The following ZBED6 variants were observed in gnomAD, a reference collection of about 807,000 sequenced individuals.
ZBED6 encodes zinc finger BED domain-containing protein 6.
ZBED6 carries 40 observed loss-of-function variants against 58.4 expected under a neutral mutation model. The observed-to-expected ratio is 0.68, with a 90% CI of 0.53 to 0.89. The LOEUF (loss-of-function observed/expected upper bound fraction) is 0.89, where lower values mean the gene tolerates loss of function less well. Among genes scored for constraint, ZBED6 ranks in the 40% least tolerant of loss-of-function variants. The pLI is 0.00. For missense variants in ZBED6, 1,057 were observed against 1,003.9 expected (o/e 1.05, Z -0.71); for synonymous variants, 439 against 350.6 (o/e 1.25, Z -2.82).
exon 1 of ZBED6, chr1:203,797,944 T>C: frequency 6.5e-7 from 1 of 1,536,084 alleles, no homozygotes; most frequent in Non-Finnish European, 8.7e-7. Flanking sequence ...TTCTTTCATG[T>C]TGACCCCCAG....
intron 11 of ZBED6, among the ~76,000 whole-genome samples, chr1:203,845,461 C>T (rs1687631362): frequency 6.6e-6 from 1 of 152,172 alleles, no homozygotes; most frequent in Non-Finnish European, 1.5e-5. Flanking sequence ...AGTCGTTGTT[C>T]TCATGAAGTC....
At position 203,800,612 on chromosome 1, in the gene ZBED6, A is replaced by G. The variant is rs1040390800; in HGVS notation, c.*150A>G. On this transcript the variant is annotated 3_prime_UTR_variant, in exon 1 of 17. Coordinates refer to ENST00000550078, the Ensembl canonical transcript of ZBED6. ...CTGAAAATTCCTCAGAGGCAATATA[A>G]TTTTGATAAAATGAAGATTAAAGAT... 18 of 652,452 alleles carry G rather than the reference A, an allele frequency of 2.8e-5. No homozygotes were observed. The East Asian group carries it at 5.7e-4, about 21-fold the overall frequency. 40.4% of individuals were successfully genotyped at this position (652,452 alleles called of 1,614,324 possible).
chr1:203,833,905 C>T (rs1311897937), intron 9 of ZBED6, 52 bp downstream of exon 9: 11 of 1,560,460 alleles, frequency 7.0e-6, no homozygotes, highest in Admixed American at 5.7e-5. Flanking sequence ...TGTGCATTAA[C>T]ATGATAGCTT....
chr1:203,840,528 G>C (rs943287400), intron 11 of ZBED6, among the ~76,000 whole-genome samples, 154 bp downstream of exon 11: 10 of 152,070 alleles, frequency 6.6e-5, no homozygotes, highest in African/African-American at 2.4e-4. Flanking sequence ...AGTCAGCTCA[G>C]ACTCAACTGG....
At chr1:203,849,610 C>A in intron 13 of ZBED6, 101 bp from the exon 14 acceptor site, 1 of 1,091,410 alleles carries the variant, frequency 9.2e-7, no homozygotes, top group Non-Finnish European at 1.4e-6. Flanking sequence ...GATTCTGGAT[C>A]ATGTGAGATT....
intron 14 of ZBED6, 86 bp downstream of exon 14, chr1:203,850,112 A>ACAAT: frequency 8.2e-7 from 1 of 1,222,598 alleles, no homozygotes; most frequent in East Asian, 2.4e-5. Flanking sequence ...CCTGGCAACA[A>ACAAT]TTGGGTTGAA....
chr1:203,812,137 A>C (rs1216602379), intron 1 of ZBED6, among the ~76,000 whole-genome samples: 2 of 152,108 alleles, frequency 1.3e-5, no homozygotes, highest in Non-Finnish European at 2.9e-5. Context: ...TTTTAAATTC[A>C]GGGGTACATG....
intron 16 of ZBED6, 34 bp from the exon 17 acceptor site, chr1:203,852,107 C>A (rs761127921): frequency 3.1e-6 from 5 of 1,607,808 alleles, no homozygotes; most frequent in Non-Finnish European, 4.2e-6. Context: ...ATTTTTAAAA[C>A]GGCAGTTTTC....
intron 10 of ZBED6, 43 bp downstream of exon 10, chr1:203,838,107 A>G: frequency 6.4e-7 from 1 of 1,569,732 alleles, no homozygotes; most frequent in Admixed American, 1.7e-5. Flanking sequence ...TGTAATTATG[A>G]CACTTGTGTC....
chr1:203,847,846 C>T (rs994507827), intron 12 of ZBED6, among the ~76,000 whole-genome samples, 159 bp downstream of exon 12: 1 of 151,936 alleles, frequency 6.6e-6, no homozygotes, highest in African/African-American at 2.4e-5. Context: ...CTATGTAGAC[C>T]TATGCTATTT....
chr1:203,838,153 G>C, intron 10 of ZBED6, 89 bp downstream of exon 10: 1 of 1,218,336 alleles, frequency 8.2e-7, no homozygotes, highest in Non-Finnish European at 1.2e-6. Context: ...TCATTCTTTT[G>C]TTCAGGTAAA....
intron 1 of ZBED6, among the ~76,000 whole-genome samples, chr1:203,814,733 T>G (rs572718937): frequency 6.6e-6 from 1 of 152,304 alleles, no homozygotes; most frequent in South Asian, 2.1e-4. Flanking sequence ...TTTTTAGATT[T>G]TTTTGTTTTT....
intron 15 of ZBED6, 32 bp downstream of exon 15, chr1:203,850,713 T>C (rs1689049166): frequency 6.2e-7 from 1 of 1,601,116 alleles, no homozygotes. Context: ...TGGTGCTTTA[T>C]TCTGTGTGGT....
chr1:203,814,753 C>T (rs555152566), intron 1 of ZBED6, among the ~76,000 whole-genome samples: 2 of 152,260 alleles, frequency 1.3e-5, no homozygotes, highest in South Asian at 4.1e-4. Context: ...TGGTTTTTTA[C>T]AGCAGCATTC....
exon 17 of ZBED6, chr1:203,853,496 G>C (rs1558151097): frequency 6.6e-6 from 1 of 152,506 alleles, no homozygotes; most frequent in Non-Finnish European, 1.5e-5. Flanking sequence ...TCAAGGTTTA[G>C]ATTTGTGAAG....
chr1:203,795,729 G>GA (rs1297802713), exon 1 of ZBED6: 1 of 152,246 alleles, frequency 6.6e-6, no homozygotes, highest in Non-Finnish European at 1.5e-5. Flanking sequence ...CAAGCAAGAA[G>GA]AAAGACGTGG....
chr1:203,805,907 C>G (rs2102519032), intron 1 of ZBED6: 1 of 687,518 alleles, frequency 1.5e-6, no homozygotes, highest in Non-Finnish European at 2.7e-6. Context: ...TCAGTTTTCA[C>G]TTGCTTGTCT....
chr1:203,825,580 G>A (rs1680269368), intron 3 of ZBED6, among the ~76,000 whole-genome samples: 1 of 151,814 alleles, frequency 6.6e-6, no homozygotes, highest in East Asian at 1.9e-4. Context: ...GACTACAGGC[G>A]CCCTCCACCA....
chr1:203,818,568 A>G lies in ZBED6; in HGVS notation c.*2754-2A>G. The G allele has an allele frequency of 6.2e-7, 1 of 1,614,012 alleles. No homozygotes were observed. Among genetic ancestry groups the G allele is most frequent in the Non-Finnish European group, 8.5e-7 (1 of 1,179,946 alleles). ...AATAGAGTGTTCTCTATTTGTTTAC[A>G]GGGTGACAGCTGCCCATTCCGTCAC... On this transcript the variant is annotated splice_acceptor_variant, in intron 2 of 16. Transcript: ENST00000550078. LOFTEE classifies it low-confidence loss of function (3UTR_SPLICE).
Sources: allele counts gnomAD v4.1 joint callset (sites outside exome capture counted in the v4.1 genomes callset), GRCh38; gene constraint gnomAD v4.1.1; transcripts MANE v1.5; gene names NCBI Gene and HGNC (gene_info 2026-07-23, HGNC 2026-07-21).